Variants in RHOC observed in about 807,000 individuals in gnomAD.
The protein encoded by RHOC is ras homolog family member C.
RHOC carries 13 observed loss-of-function variants against 19.5 expected under a neutral mutation model. That is an observed-to-expected ratio of 0.67 (90% CI 0.43 to 1.06). RHOC has a LOEUF of 1.06. Ranked by LOEUF, RHOC falls within the 50% of genes least tolerant of loss-of-function variation. RHOC has a pLI of 0.00. For missense variants in RHOC, 173 were observed against 256.9 expected (o/e 0.67, Z 2.23); for synonymous variants, 106 against 97.3 (o/e 1.09, Z -0.52).
At chr1:112,701,823 A>ACCCAGAAAGCGCCCAGG in intron 5 of RHOC, 110 bp from the exon 6 acceptor site, 1 of 1,205,782 alleles carries the variant, frequency 8.3e-7, no homozygotes, top group Non-Finnish European at 1.2e-6. Context: ...TCCAGCCCTG[A>ACCCAGAAAGCGCCCAGG]CCCAGAAAGC....
At chr1:112,705,545 C>G in intron 1 of RHOC, 2 of 485,570 alleles carry the variant, frequency 4.1e-6, no homozygotes, top group Non-Finnish European at 8.1e-6. Flanking sequence ...CAGCCACACT[C>G]TTCCCACCAC....
rs868382555 is a variant in RHOC, at chr1:112,706,502, A to C, written c.-77+576T>G. On this transcript the variant is annotated intron_variant, in intron 1 of 5. Coordinates refer to ENST00000339083, the MANE Select transcript of RHOC (RefSeq NM_175744.5). The stretch of plus-strand genomic sequence containing the variant: ...CACACACACACACACACACACACAC[A>C]CACACACACACACACACACACACAC... Among the ~76,000 whole-genome samples, 91 of 64,250 alleles carry C rather than the reference A, an allele frequency of 1.4e-3. 3 individuals are homozygous for C. Among genetic ancestry groups the C allele is most frequent in the African/African-American group, 5.2e-3 (82 of 15,910 alleles). 42.2% of individuals were successfully genotyped at this position (64,250 alleles called of 152,430 possible). A position where few individuals can be genotyped will look rare whatever the true frequency, so the allele number is the denominator to read the frequency against.
intron 2 of RHOC, 82 bp downstream of exon 2, chr1:112,705,018 G>C (rs1674790354): frequency 5.8e-6 from 4 of 684,866 alleles, no homozygotes; most frequent in Non-Finnish European, 1.1e-5. Flanking sequence ...CCCACCCCCA[G>C]CACACACAGC....
chr1:112,701,926 TC>T (rs1674655276), intron 5 of RHOC, among the ~76,000 whole-genome samples: 1 of 151,808 alleles, frequency 6.6e-6, no homozygotes, highest in South Asian at 2.1e-4. Flanking sequence ...CCCCACCTCC[TC>T]CCACACACAG....
intron 1 of RHOC, among the ~76,000 whole-genome samples, chr1:112,706,465 CACACACACACACACACACACACACACACA>C (rs1674870979): frequency 4.2e-4 from 2 of 4,756 alleles, no homozygotes; most frequent in Non-Finnish European, 9.2e-4. Context: ...ACACACACAC[CACACACACACACACACACACACACACACA>C]CACACACACA....
chr1:112,701,597 A>G lies in RHOC; in HGVS notation c.525T>C (p.Thr175=), dbSNP rs751279042. 2 of 1,614,100 alleles carry G rather than the reference A, an allele frequency of 1.2e-6. No homozygotes were observed. The highest frequency in any genetic ancestry group is 1.3e-5 in the African/African-American group (1 of 75,012). The change falls in exon 6 of 6, where the codon ACT becomes ACC. Residue 175 remains threonine, a synonymous_variant. Transcript: ENST00000339083. The stretch of plus-strand genomic sequence containing the variant: ...TCTTGCGGACCTGGAGGCCAGCCCG[A>G]GTGGCCATCTCAAACACCTCCCGCA... ...EGVREVFEMA[T]RAGLQVRKNK...
rs1016623954 is a variant in RHOC at position 112,701,509 on chromosome 1, G to A, written c.*31C>T. On this transcript the variant is annotated 3_prime_UTR_variant, in exon 6 of 6. Coordinates refer to ENST00000339083, the MANE Select transcript of RHOC (RefSeq NM_175744.5). The stretch of plus-strand genomic sequence containing the variant: ...GATAATTTCTGTACCCCTGTGAAGG[G>A]AGGGGGCATGTAGGAAAGGCCTTGG... The A allele has an allele frequency of 1.2e-6, 2 of 1,613,970 alleles. No individual in the cohort carries two copies. The highest frequency in any genetic ancestry group is 1.7e-5 in the Admixed American group (1 of 60,000).
At chr1:112,706,463 A>ACACACACACACACACACC (rs1674869025) in intron 1 of RHOC, among the ~76,000 whole-genome samples, 1 of 8,186 alleles carries the variant, frequency 1.2e-4, no homozygotes, top group South Asian at 5.1e-3. Context: ...ACACACACAC[A>ACACACACACACACACACC]CCACACACAC....
intron 1 of RHOC, 46 bp from the exon 2 acceptor site, chr1:112,705,214 C>A (rs746383772): frequency 2.8e-6 from 2 of 701,768 alleles, no homozygotes; most frequent in East Asian, 5.4e-5. Flanking sequence ...GGGAGGAGCC[C>A]CAAAAGAAGA....
At chr1:112,706,459 A>AC (rs1674865006) in intron 1 of RHOC, among the ~76,000 whole-genome samples, 1 of 10,398 alleles carries the variant, frequency 9.6e-5, no homozygotes, top group African/African-American at 3.1e-4. Flanking sequence ...ACACACACAC[A>AC]CACACCACAC....
chr1:112,703,432 G>T, intron 3 of RHOC: 1 of 719,780 alleles, frequency 1.4e-6, no homozygotes, highest in Non-Finnish European at 2.5e-6. Context: ...GAGGCAAAGG[G>T]ACTCGGCCCA....
At chr1:112,707,136 G>GGCCCC (rs952277137), upstream of RHOC, 13 of 151,340 alleles carry the variant, frequency 8.6e-5, no homozygotes, top group African/African-American at 1.7e-4. Flanking sequence ...CTGACCCCAG[G>GGCCCC]GCCCCGCCCC....
intron 1 of RHOC, among the ~76,000 whole-genome samples, chr1:112,706,430 TACACACA>T (rs1347895378): frequency 2.4e-4 from 12 of 49,692 alleles, no homozygotes; most frequent in African/African-American, 1.0e-3. Context: ...TCTCTCTCTC[TACACACA>T]CACACACACA....
intron 1 of RHOC, 115 bp from the exon 2 acceptor site, chr1:112,705,283 T>G (rs1237798350): frequency 7.4e-6 from 5 of 671,772 alleles, no homozygotes; most frequent in Non-Finnish European, 1.4e-5. Flanking sequence ...AAAGCGACGG[T>G]AACCTGATCT....
chr1:112,702,441 A>C, intron 5 of RHOC, 122 bp downstream of exon 5: 16 of 1,057,052 alleles, frequency 1.5e-5, no homozygotes, highest in Non-Finnish European at 1.8e-5. Context: ...CTCCCTCACC[A>C]GGAGATATTA....
chr1:112,706,453 A>ACACACACACACACAC, intron 1 of RHOC, among the ~76,000 whole-genome samples: 1 of 20,994 alleles, frequency 4.8e-5, no homozygotes, highest in African/African-American at 1.3e-4. Flanking sequence ...ACACACACAC[A>ACACACACACACACAC]CACACACACA....
Position 112,702,705 on chromosome 1 carries a change from T to C in RHOC, c.278-12A>G, listed in dbSNP as rs1234609674. 1.2e-6 allele frequency: 2 copies of C among 1,613,896 alleles called. No homozygotes were observed. Among genetic ancestry groups the C allele is most frequent in the East Asian group, 2.2e-5 (1 of 44,888 alleles). On this transcript the variant is annotated splice_polypyrimidine_tract_variant and intron_variant, in intron 4 of 5. Transcript: ENST00000339083. ...CTCAGGAATGTTTTCTGTGTAGACATGCACCAACAGGTGTCGGTGCCTCCA... is the reference window on the plus strand; with the variant it reads ...CTCAGGAATGTTTTCTGTGTAGACACGCACCAACAGGTGTCGGTGCCTCCA...
At chr1:112,705,412 C>T in intron 1 of RHOC, 1 of 601,038 alleles carries the variant, frequency 1.7e-6, no homozygotes, top group Non-Finnish European at 3.0e-6. Flanking sequence ...GCGAATACTC[C>T]AGCCCCAGGC....
intron 1 of RHOC, among the ~76,000 whole-genome samples, chr1:112,706,465 CACACACACACACACACACACACACA>C (rs1674870845): frequency 1.1e-3 from 5 of 4,758 alleles, no homozygotes; most frequent in Admixed American, 1.9e-3. Flanking sequence ...ACACACACAC[CACACACACACACACACACACACACA>C]CACACACACA....
Sources: gnomAD v4.1 joint callset for allele counts (sites outside exome capture counted in the v4.1 genomes callset) on GRCh38, gnomAD v4.1.1 for gene constraint, MANE v1.5 for transcripts, NCBI Gene and HGNC (gene_info 2026-07-23, HGNC 2026-07-21) for gene names.